NKAIN3: variants seen among roughly 807,000 people sequenced by gnomAD.
NKAIN3 encodes sodium/potassium-transporting ATPase subunit beta-1-interacting protein 3.
NKAIN3 carries 25 observed loss-of-function variants against 30.2 expected under a neutral mutation model. The observed-to-expected ratio is 0.83, with a 90% CI of 0.60 to 1.16. The LOEUF is 1.16. Among genes scored for constraint, NKAIN3 ranks in the 50% most tolerant of loss-of-function variants. The pLI, the probability that NKAIN3 is intolerant of heterozygous loss-of-function variation, is 0.00. For synonymous variants in NKAIN3, 91 were observed against 89.6 expected, an observed-to-expected ratio of 1.02 and a Z score of -0.09; for missense variants, 225 against 254.1, an observed-to-expected ratio of 0.89 and a Z score of 0.78.
chr8:62,767,939 G>T (rs1210936363), intron 4 of NKAIN3, among the ~76,000 whole-genome samples: 1 of 151,918 alleles, frequency 6.6e-6, no homozygotes, highest in African/African-American at 2.4e-5. Flanking sequence ...GGGTTAAATA[G>T]AATATATTAT....
intron 3 of NKAIN3, among the ~76,000 whole-genome samples, chr8:62,617,361 G>A (rs890423031): frequency 5.9e-5 from 9 of 152,286 alleles, no homozygotes; most frequent in South Asian, 4.1e-4. Flanking sequence ...AGATATGTAC[G>A]TTTTTATTAG....
intron 4 of NKAIN3, among the ~76,000 whole-genome samples, chr8:62,747,823 G>A (rs1436285005): frequency 2.0e-5 from 3 of 152,148 alleles, no homozygotes; most frequent in African/African-American, 7.2e-5. Flanking sequence ...CATTTAGTTT[G>A]AGTCAATATC....
At chr8:62,711,186 A>G (rs933884034) in intron 3 of NKAIN3, among the ~76,000 whole-genome samples, 1 of 152,050 alleles carries the variant, frequency 6.6e-6, no homozygotes, top group African/African-American at 2.4e-5. Flanking sequence ...TTTCATCTCA[A>G]CTTTGGATAA....
chr8:62,632,237 C>G (rs1412712597), intron 3 of NKAIN3, among the ~76,000 whole-genome samples: 1 of 152,130 alleles, frequency 6.6e-6, no homozygotes, highest in Non-Finnish European at 1.5e-5. Context: ...ATATTTCTAA[C>G]ATAACATTTA....
At chr8:62,267,566 T>C (rs765891968) in intron 1 of NKAIN3, among the ~76,000 whole-genome samples, 2 of 152,240 alleles carry the variant, frequency 1.3e-5, no homozygotes, top group Non-Finnish European at 2.9e-5. Flanking sequence ...TTACTATTCA[T>C]ATATATTTTT....
intron 1 of NKAIN3, among the ~76,000 whole-genome samples, chr8:62,515,932 G>A (rs566416950): frequency 3.3e-5 from 5 of 151,924 alleles, no homozygotes; most frequent in Non-Finnish European, 5.9e-5. Context: ...TGATTTGGGG[G>A]TATTTCCTTA....
At chr8:62,684,540 G>A (rs768529033) in intron 3 of NKAIN3, among the ~76,000 whole-genome samples, 1 of 152,072 alleles carries the variant, frequency 6.6e-6, no homozygotes, top group Non-Finnish European at 1.5e-5. Flanking sequence ...CTGCAAAACC[G>A]GATGGGGCAT....
At chr8:62,933,005 C>CACACACACAG (rs1456277204) in intron 5 of NKAIN3, among the ~76,000 whole-genome samples, 3,853 of 151,412 alleles carry the variant, frequency 0.025, 146 homozygotes, top group African/African-American at 0.079. Flanking sequence ...AACACACACA[C>CACACACACAG]ACACACACAC....
intron 4 of NKAIN3, among the ~76,000 whole-genome samples, chr8:62,871,242 A>C (rs572315223): frequency 3.9e-5 from 6 of 151,938 alleles, no homozygotes; most frequent in Admixed American, 1.3e-4. Flanking sequence ...CTCTACTAAA[A>C]ATATAAAAAA....
chr8:62,270,024 G>A (rs954818512), intron 1 of NKAIN3, among the ~76,000 whole-genome samples: 8 of 152,044 alleles, frequency 5.3e-5, no homozygotes, highest in Middle Eastern at 3.4e-3. Flanking sequence ...TAATGCGGAG[G>A]TCCTTATTAT....
chr8:62,774,274 G>A (rs1817111298), intron 4 of NKAIN3, among the ~76,000 whole-genome samples: 1 of 152,138 alleles, frequency 6.6e-6, no homozygotes, highest in Non-Finnish European at 1.5e-5. Context: ...CAACTTTACT[G>A]AATTTGTTTA....
At chr8:62,291,588 T>C (rs1027223045) in intron 1 of NKAIN3, among the ~76,000 whole-genome samples, 2 of 152,230 alleles carry the variant, frequency 1.3e-5, no homozygotes, top group African/African-American at 2.4e-5. Context: ...TTGATTGCAC[T>C]GTGGTCTGAG....
In NKAIN3 at chr8:62,966,606, G is replaced by C. The variant is rs1408747645; in HGVS notation, c.*1199G>C. ...TTCAGGCAATGCCTACATTCTCACA[G>C]ACAACCACTGTGCTAATTTTCATCA... On this transcript the variant is annotated 3_prime_UTR_variant, in exon 7 of 7. Coordinates refer to ENST00000623646, the MANE Select transcript of NKAIN3 (RefSeq NM_001304533.3). The C allele has an allele frequency of 6.5e-6, 1 of 153,746 alleles. No homozygotes were observed. The highest frequency in any genetic ancestry group is 1.4e-5 in the Non-Finnish European group (1 of 69,452). 9.5% of individuals were successfully genotyped at this position (153,746 alleles called of 1,614,324 possible).
At chr8:62,688,382 A>G (rs1813859393) in intron 3 of NKAIN3, among the ~76,000 whole-genome samples, 1 of 152,180 alleles carries the variant, frequency 6.6e-6, no homozygotes, top group Admixed American at 6.5e-5. Context: ...TGAAATAAAT[A>G]TACATAAATA....
intron 1 of NKAIN3, among the ~76,000 whole-genome samples, chr8:62,345,935 T>C (rs1815991158): frequency 6.6e-6 from 1 of 151,948 alleles, no homozygotes; most frequent in African/African-American, 2.4e-5. Flanking sequence ...TAGATGAAAC[T>C]AGAGAACATT....
chr8:62,278,132 T>C (rs1390663554), intron 1 of NKAIN3, among the ~76,000 whole-genome samples: 1 of 152,160 alleles, frequency 6.6e-6, no homozygotes, highest in Non-Finnish European at 1.5e-5. Context: ...CATGCCTGGA[T>C]TGAGACTCTG....
At chr8:62,378,190 G>C (rs760313541) in intron 1 of NKAIN3, among the ~76,000 whole-genome samples, 4 of 152,204 alleles carry the variant, frequency 2.6e-5, no homozygotes, top group Non-Finnish European at 4.4e-5. Context: ...AAAGAGACTG[G>C]CAGCATTTTG....
intron 4 of NKAIN3, among the ~76,000 whole-genome samples, chr8:62,881,675 T>C (rs1463655913): frequency 6.6e-6 from 1 of 152,206 alleles, no homozygotes; most frequent in Non-Finnish European, 1.5e-5. Context: ...TTTTGGCAAT[T>C]ATAGATAAAG....
chr8:62,323,820 A>G (rs1379331110), intron 1 of NKAIN3, among the ~76,000 whole-genome samples: 4 of 152,208 alleles, frequency 2.6e-5, no homozygotes, highest in African/African-American at 4.8e-5. Context: ...GTGAAACCTT[A>G]AGAGCATATT....
Sources: allele counts gnomAD v4.1 joint callset (sites outside exome capture counted in the v4.1 genomes callset), GRCh38; gene constraint gnomAD v4.1.1; transcripts MANE v1.5; gene names NCBI Gene and HGNC (gene_info 2026-07-23, HGNC 2026-07-21).